The following HSBP1 variants were observed in gnomAD, a reference collection of about 807,000 sequenced individuals.
HSBP1 encodes the protein heat shock factor binding protein 1.
Under a neutral mutation model 9.6 loss-of-function variants are expected in HSBP1, and 5 were observed. That is an observed-to-expected ratio of 0.52 (90% CI 0.27 to 1.09). The LOEUF is 1.09. Ranked by LOEUF, HSBP1 falls within the 50% of genes least tolerant of loss-of-function variation. The pLI is 0.11. For synonymous variants in HSBP1, 42 were observed against 33.3 expected (o/e 1.26, Z -0.90); for missense variants, 121 against 96.3 (o/e 1.26, Z -1.07).
intron 3 of HSBP1, among the ~76,000 whole-genome samples, chr16:83,809,714 C>T (rs987588711): frequency 1.2e-4 from 18 of 151,916 alleles, no homozygotes; most frequent in Non-Finnish European, 2.2e-4. Flanking sequence ...GTGATTTGCC[C>T]GCCTCAGCCT....
intron 2 of HSBP1, 48 bp from the exon 3 acceptor site, chr16:83,809,256 GA>G (rs756963809): frequency 1.5e-5 from 18 of 1,208,264 alleles, no homozygotes; most frequent in East Asian, 5.1e-5. Context: ...GGGACGGGAG[GA>G]AAAAGGCTCA....
At chr16:83,810,281 G>A (rs767972619) in intron 3 of HSBP1, among the ~76,000 whole-genome samples, 4 of 152,206 alleles carry the variant, frequency 2.6e-5, no homozygotes, top group South Asian at 2.1e-4. Flanking sequence ...TCAGAGGAAA[G>A]CCTAGTAATT....
At chr16:83,808,984 T>C (rs1428008357) in intron 2 of HSBP1, 1 of 566,804 alleles carries the variant, frequency 1.8e-6, no homozygotes, top group Non-Finnish European at 3.1e-6. Context: ...TGGTGGACCA[T>C]GCACTGTGAA....
intron 1 of HSBP1, chr16:83,808,389 C>T (rs1904512686): frequency 3.6e-6 from 2 of 557,860 alleles, no homozygotes; most frequent in South Asian, 2.3e-5. Context: ...TCCCGCCTAC[C>T]TCTGACACCC....
Position 83,814,402 on chromosome 16 carries a change from G to A in HSBP1, c.*2984G>A, listed in dbSNP as rs1268380536. ...GGGGCACAAGGTCACAGCTGGTAAT[G>A]ATGACCCTGGAATGTCCTCACAGCT... On this transcript the variant is annotated 3_prime_UTR_variant, in exon 4 of 4. Coordinates refer to ENST00000433866, the MANE Select transcript of HSBP1 (RefSeq NM_001537.4). 1.3e-5 allele frequency: 2 copies of A among 152,246 alleles called. No individual in the cohort carries two copies. Among genetic ancestry groups the A allele is most frequent in the Non-Finnish European group, 2.9e-5 (2 of 68,074 alleles). The allele number at this position is 152,246 out of a possible 1,614,324, so 9.4% of individuals were successfully genotyped here.
rs1904767779 is a variant in HSBP1 at position 83,818,400 on chromosome 16, T to C, written c.*6982T>C. Reference sequence around the variant, plus strand: ...AGACATTGTTCCCTGCCATCCACTCTGCCAGACATTTCTTGGATTTATTCA... The same window carrying C: ...AGACATTGTTCCCTGCCATCCACTCCGCCAGACATTTCTTGGATTTATTCA... On this transcript the variant is annotated 3_prime_UTR_variant, in exon 4 of 4. Coordinates refer to ENST00000433866, the MANE Select transcript of HSBP1 (RefSeq NM_001537.4). 1 of 152,216 alleles carries C rather than the reference T, an allele frequency of 6.6e-6. No homozygotes were observed. The highest frequency in any genetic ancestry group is 2.1e-4 in the South Asian group (1 of 4,832). The allele number at this position is 152,216 out of a possible 1,614,324, so 9.4% of individuals were successfully genotyped here.
At chr16:83,808,152 C>T (rs1354776127) in intron 1 of HSBP1, 31 bp downstream of exon 1, 3 of 1,535,652 alleles carry the variant, frequency 2.0e-6, no homozygotes, top group African/African-American at 1.4e-5. Flanking sequence ...CCGGAGGCCG[C>T]GGCCTTCCCG....
At position 83,815,562 on chromosome 16, in the gene HSBP1, C is replaced by T. The variant is rs1904701221; in HGVS notation, c.*4144C>T. On this transcript the variant is annotated 3_prime_UTR_variant, in exon 4 of 4. Transcript: ENST00000433866. ...TAACGCTTGGTCCTCACACCTGAGG[C>T]TCTCACTAAGAGGTGGCTGGAAGCT... 2.6e-5 allele frequency: 4 copies of T among 151,466 alleles called. No individual in the cohort carries two copies. In the South Asian group the frequency reaches 6.3e-4, roughly 24 times the overall value. 9.4% of individuals were successfully genotyped at this position (151,466 alleles called of 1,614,324 possible). A position where few individuals can be genotyped will look rare whatever the true frequency, so the allele number is the denominator to read the frequency against.
In HSBP1 at chr16:83,814,441, G is replaced by A. The variant is rs1009817923; in HGVS notation, c.*3023G>A. 5.9e-5 allele frequency: 9 copies of A among 152,016 alleles called. No individual in the cohort carries two copies. Among genetic ancestry groups the A allele is most frequent in the African/African-American group, 1.2e-4 (5 of 40,938 alleles). The allele number at this position is 152,016 out of a possible 1,614,324, so 9.4% of individuals were successfully genotyped here. ...GTCCTCACAGCTGCACACCTGCACCGCTCACAAACACAGCTGACCGTCTCA... is the reference window on the plus strand; with the variant it reads ...GTCCTCACAGCTGCACACCTGCACCACTCACAAACACAGCTGACCGTCTCA... On this transcript the variant is annotated 3_prime_UTR_variant, in exon 4 of 4. Coordinates refer to ENST00000433866, the MANE Select transcript of HSBP1 (RefSeq NM_001537.4).
rs1904687722 is a variant in HSBP1 at position 83,815,033 on chromosome 16, T to TCA, written c.*3615_*3616insCA. 1 of 152,132 alleles carries TCA rather than the reference T, an allele frequency of 6.6e-6. No individual in the cohort carries two copies. The highest frequency in any genetic ancestry group is 6.5e-5 in the Admixed American group (1 of 15,280). The allele number at this position is 152,132 out of a possible 1,614,324, so 9.4% of individuals were successfully genotyped here. On this transcript the variant is annotated 3_prime_UTR_variant, in exon 4 of 4. Transcript: ENST00000433866. ...TTTTTTGTTTTGTGGTGTTTTTTTT[T>TCA]TATTGCAACGAAGACTTTTAAATGG...
chr16:83,814,133 T>G lies in HSBP1; in HGVS notation c.*2715T>G, dbSNP rs1405298939. The G allele has an allele frequency of 6.6e-6, 1 of 152,224 alleles. No individual in the cohort carries two copies. Among genetic ancestry groups the G allele is most frequent in the Non-Finnish European group, 1.5e-5 (1 of 68,038 alleles). The allele number at this position is 152,224 out of a possible 1,614,324, so 9.4% of individuals were successfully genotyped here. ...CTCTTTTATTTTGTATTTTGCACATTATATATTTTGATTAGATTAAAATGG... is the reference window on the plus strand; with the variant it reads ...CTCTTTTATTTTGTATTTTGCACATGATATATTTTGATTAGATTAAAATGG... On this transcript the variant is annotated 3_prime_UTR_variant, in exon 4 of 4. Coordinates refer to ENST00000433866, the MANE Select transcript of HSBP1 (RefSeq NM_001537.4).
chr16:83,808,397 C>T (rs759787503), intron 1 of HSBP1: 70 of 556,990 alleles, frequency 1.3e-4, no homozygotes, highest in Middle Eastern at 4.6e-4. Flanking sequence ...ACCTCTGACA[C>T]CCTCCCCGCC....
intron 2 of HSBP1, among the ~76,000 whole-genome samples, 189 bp downstream of exon 2, chr16:83,808,935 G>C (rs1200620688): frequency 6.6e-6 from 1 of 152,174 alleles, no homozygotes; most frequent in East Asian, 1.9e-4. Flanking sequence ...TAGACTCCTG[G>C]CTCAAGGAGC....
At chr16:83,809,215 A>G in intron 2 of HSBP1, 90 bp from the exon 3 acceptor site, 1 of 791,338 alleles carries the variant, frequency 1.3e-6, no homozygotes, top group Non-Finnish European at 2.1e-6. Flanking sequence ...CAGTTTCCCT[A>G]AAGTCGTTGT....
In HSBP1 at chr16:83,812,077, A is replaced by T. The variant is rs1024992282; in HGVS notation, c.*659A>T. ...GTGTCAGAACTTTTACAGTACAGAA[A>T]ATAACAGAATAGCCTTCTGTAATGA... On this transcript the variant is annotated 3_prime_UTR_variant, in exon 4 of 4. Coordinates refer to ENST00000433866, the MANE Select transcript of HSBP1 (RefSeq NM_001537.4). The T allele has an allele frequency of 6.5e-6, 1 of 152,682 alleles. No homozygotes were observed. Among genetic ancestry groups the T allele is most frequent in the African/African-American group, 2.4e-5 (1 of 41,466 alleles). 9.5% of individuals were successfully genotyped at this position (152,682 alleles called of 1,614,324 possible).
intron 1 of HSBP1, chr16:83,808,469 GC>G: frequency 1.7e-6 from 1 of 584,046 alleles, no homozygotes; most frequent in Non-Finnish European, 3.1e-6. Flanking sequence ...AAGACCCTGA[GC>G]TTTGAGTCGC....
In HSBP1 at chr16:83,815,037, T is replaced by G. The variant is rs77595466; in HGVS notation, c.*3619T>G. The G allele has an allele frequency of 0.57, 87,048 of 151,574 alleles. 25,544 individuals carry two copies. The highest frequency in any genetic ancestry group is 0.65 in the Non-Finnish European group (43,886 of 67,814). 9.4% of individuals were successfully genotyped at this position (151,574 alleles called of 1,614,324 possible). A position where few individuals can be genotyped will look rare whatever the true frequency, so the allele number is the denominator to read the frequency against. On this transcript the variant is annotated 3_prime_UTR_variant, in exon 4 of 4. Coordinates refer to ENST00000433866, the MANE Select transcript of HSBP1 (RefSeq NM_001537.4). ...TTGTTTTGTGGTGTTTTTTTTTTAT[T>G]GCAACGAAGACTTTTAAATGGACTC...
rs1904702261 is a variant in HSBP1 at position 83,815,601 on chromosome 16, C to T, written c.*4183C>T. ...TGGCTGGAAGCTCCTCAGACCGCTG[C>T]CTAGGGTTCGAGTGATCCTGAAAGC... On this transcript the variant is annotated 3_prime_UTR_variant, in exon 4 of 4. Coordinates refer to ENST00000433866, the MANE Select transcript of HSBP1 (RefSeq NM_001537.4). 6.6e-6 allele frequency: 1 copy of T among 152,058 alleles called. No homozygotes were observed. Among genetic ancestry groups the T allele is most frequent in the African/African-American group, 2.4e-5 (1 of 41,388 alleles). The allele number at this position is 152,058 out of a possible 1,614,324, so 9.4% of individuals were successfully genotyped here.
In HSBP1 at chr16:83,815,184, C is replaced by T. The variant is rs1240496359; in HGVS notation, c.*3766C>T. 3 of 152,060 alleles carry T rather than the reference C, an allele frequency of 2.0e-5. No homozygotes were observed. In the South Asian group the frequency reaches 6.2e-4, roughly 32 times the overall value. The allele number at this position is 152,060 out of a possible 1,614,324, so 9.4% of individuals were successfully genotyped here. A position where few individuals can be genotyped will look rare whatever the true frequency, so the allele number is the denominator to read the frequency against. On this transcript the variant is annotated 3_prime_UTR_variant, in exon 4 of 4. Coordinates refer to ENST00000433866, the MANE Select transcript of HSBP1 (RefSeq NM_001537.4). Reference sequence around the variant, plus strand: ...AGGGAGGGGAGATGCAAGTCACTGCCCAAAAACAAAACCAGAGGAATTGTG... The same window carrying T: ...AGGGAGGGGAGATGCAAGTCACTGCTCAAAAACAAAACCAGAGGAATTGTG...
Sources: gnomAD v4.1 joint callset for allele counts (sites outside exome capture counted in the v4.1 genomes callset) on GRCh38, gnomAD v4.1.1 for gene constraint, MANE v1.5 for transcripts, NCBI Gene and HGNC (gene_info 2026-07-23, HGNC 2026-07-21) for gene names.